The following PATE3 variants were observed in gnomAD, a reference collection of about 807,000 sequenced individuals.
The protein encoded by PATE3 is prostate and testis expressed protein 3.
Under a neutral mutation model 7.4 loss-of-function variants are expected in PATE3, and 7 were observed. The observed-to-expected ratio is 0.95, with a 90% CI of 0.54 to 1.78. The LOEUF (loss-of-function observed/expected upper bound fraction) is 1.78, where lower values mean the gene tolerates loss of function less well. Ranked by LOEUF, PATE3 falls within the 40% of genes most tolerant of loss-of-function variation. PATE3 has a pLI of 0.00. For synonymous variants in PATE3, 38 were observed against 40.2 expected (o/e 0.94, Z 0.21); for missense variants, 117 against 122.5 (o/e 0.96, Z 0.21).
chr11:125,789,740 A>G (rs1943593942), intron 2 of PATE3, among the ~76,000 whole-genome samples: 1 of 152,138 alleles, frequency 6.6e-6, no homozygotes, highest in Non-Finnish European at 1.5e-5. Flanking sequence ...TTTTTTGATA[A>G]TCGACACATA....
Position 125,789,443 on chromosome 11 carries a change from G to C in PATE3, c.107G>C (p.Arg36Thr). 6.4e-7 allele frequency: 1 copy of C among 1,551,680 alleles called. No homozygotes were observed. The highest frequency in any genetic ancestry group is 8.7e-7 in the Non-Finnish European group (1 of 1,146,956). ...CTTCGCACACGGACAGACCGCTGTAGAAGAGGCTTTGGTGTCTGTACTGCT... is the reference window on the plus strand; with the variant it reads ...CTTCGCACACGGACAGACCGCTGTACAAGAGGCTTTGGTGTCTGTACTGCT... Reference protein sequence around the residue: ...CHLRTRTDRCRRGFGVCTAQK... With the variant: ...CHLRTRTDRCTRGFGVCTAQK... The change falls in exon 2 of 3, where the codon AGA becomes ACA. Residue 36 changes from arginine to threonine, a missense_variant. Coordinates refer to ENST00000445202, the MANE Select transcript of PATE3 (RefSeq NM_001129883.4).
In PATE3 at chr11:125,790,838, T is replaced by G. The variant is rs985872829; in HGVS notation, c.*236T>G. On this transcript the variant is annotated 3_prime_UTR_variant, in exon 3 of 3. Transcript: ENST00000445202. ...TCTTCTATTATTGGGATTATTGGCATGGCCATATTCCAAGAAACCTGCCCC... is the reference window on the plus strand; with the variant it reads ...TCTTCTATTATTGGGATTATTGGCAGGGCCATATTCCAAGAAACCTGCCCC... 11 of 385,218 alleles carry G rather than the reference T, an allele frequency of 2.9e-5. No individual in the cohort carries two copies. The South Asian group carries it at 7.1e-4, about 25-fold the overall frequency. 23.9% of individuals were successfully genotyped at this position (385,218 alleles called of 1,614,324 possible).
rs564211472 is a variant in PATE3, at chr11:125,791,528, T to C, written c.*926T>C. 1 of 152,270 alleles carries C rather than the reference T, an allele frequency of 6.6e-6. No homozygotes were observed. The highest frequency in any genetic ancestry group is 1.5e-5 in the Non-Finnish European group (1 of 68,090). The allele number at this position is 152,270 out of a possible 1,614,324, so 9.4% of individuals were successfully genotyped here. A position where few individuals can be genotyped will look rare whatever the true frequency, so the allele number is the denominator to read the frequency against. ...CTACCCTGTACAGCTTTCTTGAGAC[T>C]TGGGGGCCTGGGTCAAAGAGATTTG... On this transcript the variant is annotated 3_prime_UTR_variant, in exon 3 of 3. Coordinates refer to ENST00000445202, the MANE Select transcript of PATE3 (RefSeq NM_001129883.4).
chr11:125,789,131 C>G (rs1943589135), intron 1 of PATE3, among the ~76,000 whole-genome samples: 2 of 152,138 alleles, frequency 1.3e-5, no homozygotes, highest in South Asian at 4.1e-4. Context: ...TGGAGGCTAA[C>G]TTTTTGCTTA....
rs777308515 is a variant in PATE3, at chr11:125,789,469, C to A, written c.133C>A (p.Gln45Lys). 114 of 1,551,540 alleles carry A rather than the reference C, an allele frequency of 7.3e-5. No individual in the cohort carries two copies. The highest frequency in any genetic ancestry group is 9.6e-6 in the Non-Finnish European group (11 of 1,146,972). The change falls in exon 2 of 3, where the codon CAG becomes AAG. Residue 45 changes from glutamine (Q) to lysine (K), a missense_variant. Physicochemically the swap from Gln to Lys is moderately conservative, Grantham distance 53. Transcript: ENST00000445202. Reference protein sequence around the residue: ...CRRGFGVCTAQKGEACMLLRI... With the variant: ...CRRGFGVCTAKKGEACMLLRI... ...AAGAGGCTTTGGTGTCTGTACTGCT[C>A]AGAAGGGCGAGGCATGCATGCTCTT...
rs1943592489 is a variant in PATE3 at position 125,789,512 on chromosome 11, A to G, written c.172+4A>G. ...ATGCTCTTAAGGATTTACCAGCGTA[A>G]GTTAGAGGGTCAGGGAAGGTGTTGT... On this transcript the variant is annotated splice_donor_region_variant and intron_variant, in intron 2 of 2. Transcript: ENST00000445202. 1.9e-6 allele frequency: 3 copies of G among 1,550,264 alleles called. No homozygotes were observed. Among genetic ancestry groups the G allele is most frequent in the Non-Finnish European group, 2.6e-6 (3 of 1,145,868 alleles).
chr11:125,788,695 G>T (rs1456502620), intron 1 of PATE3, among the ~76,000 whole-genome samples: 2 of 152,118 alleles, frequency 1.3e-5, no homozygotes, highest in African/African-American at 4.8e-5. Flanking sequence ...TGTAGTCACG[G>T]TCTCAAAATC....
intron 2 of PATE3, 108 bp downstream of exon 2, chr11:125,789,616 C>A: frequency 7.7e-7 from 1 of 1,304,284 alleles, no homozygotes; most frequent in Non-Finnish European, 1.0e-6. Flanking sequence ...TGCCCCTGAG[C>A]ACAGGTGGTA....
Position 125,788,300 on chromosome 11 carries a change from C to T in PATE3, c.49+100C>T, listed in dbSNP as rs1243933711. The T allele has an allele frequency of 1.2e-5, 14 of 1,135,712 alleles. No homozygotes were observed. In the Admixed American group the frequency reaches 1.6e-4, roughly 13 times the overall value. 70.4% of individuals were successfully genotyped at this position (1,135,712 alleles called of 1,614,324 possible). A position where few individuals can be genotyped will look rare whatever the true frequency, so the allele number is the denominator to read the frequency against. ...GCATCCATGCAGGGCTGAGCTTTGG[C>T]CACTTTTATGAGCCAGGGGAAGCCA... is the stretch of plus-strand genomic sequence containing the variant. On this transcript the variant is annotated intron_variant, in intron 1 of 2. Transcript: ENST00000445202.
intron 2 of PATE3, 93 bp downstream of exon 2, chr11:125,789,601 C>A: frequency 2.9e-6 from 4 of 1,402,566 alleles, no homozygotes; most frequent in Non-Finnish European, 3.8e-6. Context: ...AGAACCAATG[C>A]AGAATGCCCC....
At chr11:125,788,338 C>T (rs1943581753) in intron 1 of PATE3, 138 bp downstream of exon 1, 2 of 693,590 alleles carry the variant, frequency 2.9e-6, no homozygotes, top group African/African-American at 1.8e-5. Context: ...CTCCAGAATG[C>T]TCCTCTGCCT....
At chr11:125,790,388 A>C (rs1185252112) in intron 2 of PATE3, 90 bp from the exon 3 acceptor site, 3 of 1,335,120 alleles carry the variant, frequency 2.2e-6, no homozygotes, top group African/African-American at 1.5e-5. Flanking sequence ...ACCCTAATTA[A>C]ATTTTCACCA....
Position 125,790,626 on chromosome 11 carries a change from G to A in PATE3, c.*24G>A, listed in dbSNP as rs774593240. On this transcript the variant is annotated 3_prime_UTR_variant, in exon 3 of 3. Coordinates refer to ENST00000445202, the MANE Select transcript of PATE3 (RefSeq NM_001129883.4). ...AAGATATTTGCCCTCCTGAGGTCTCGCTTTGGAATGTCCCCAATGTTGCTC... is the reference window on the plus strand; with the variant it reads ...AAGATATTTGCCCTCCTGAGGTCTCACTTTGGAATGTCCCCAATGTTGCTC... 1.2e-5 allele frequency: 18 copies of A among 1,545,110 alleles called. No individual in the cohort carries two copies. Among genetic ancestry groups the A allele is most frequent in the African/African-American group, 5.5e-5 (4 of 72,926 alleles).
intron 1 of PATE3, 140 bp from the exon 2 acceptor site, chr11:125,789,246 C>A: frequency 1.3e-6 from 1 of 769,030 alleles, no homozygotes; most frequent in Non-Finnish European, 2.0e-6. Context: ...CAACTGTTTA[C>A]CGCCTAAATA....
intron 1 of PATE3, among the ~76,000 whole-genome samples, chr11:125,788,762 C>G (rs1943586130): frequency 6.6e-6 from 1 of 152,136 alleles, no homozygotes; most frequent in Non-Finnish European, 1.5e-5. Context: ...GCTTACAAGG[C>G]TTTTGCGAGG....
chr11:125,789,467 C>T lies in PATE3; in HGVS notation c.131C>T (p.Ala44Val). The T allele has an allele frequency of 1.9e-6, 3 of 1,551,698 alleles. No individual in the cohort carries two copies. The highest frequency in any genetic ancestry group is 2.6e-6 in the Non-Finnish European group (3 of 1,146,970). Reference protein sequence around the residue: ...RCRRGFGVCTAQKGEACMLLR... With the variant: ...RCRRGFGVCTVQKGEACMLLR... ...AGAAGAGGCTTTGGTGTCTGTACTGCTCAGAAGGGCGAGGCATGCATGCTC... is the reference window on the plus strand; with the variant it reads ...AGAAGAGGCTTTGGTGTCTGTACTGTTCAGAAGGGCGAGGCATGCATGCTC... The change falls in exon 2 of 3, where the codon GCT becomes GTT. Residue 44 changes from alanine (A) to valine (V), a missense_variant. Coordinates refer to ENST00000445202, the MANE Select transcript of PATE3 (RefSeq NM_001129883.4).
At chr11:125,788,869 T>A (rs190414421) in intron 1 of PATE3, among the ~76,000 whole-genome samples, 64 of 152,282 alleles carry the variant, frequency 4.2e-4, no homozygotes, top group African/African-American at 8.9e-4. Context: ...GAAATTTTTT[T>A]AAATTAAACC....
chr11:125,790,603 G>T lies in PATE3; in HGVS notation c.*1G>T, dbSNP rs1193669262. 2 of 1,550,850 alleles carry T rather than the reference G, an allele frequency of 1.3e-6. No individual in the cohort carries two copies. Among genetic ancestry groups the T allele is most frequent in the Non-Finnish European group, 1.7e-6 (2 of 1,146,638 alleles). Reference sequence around the variant, plus strand: ...CAATTACTGTAACTTTAAACTCTAAGATATTTGCCCTCCTGAGGTCTCGCT... The same window carrying T: ...CAATTACTGTAACTTTAAACTCTAATATATTTGCCCTCCTGAGGTCTCGCT... On this transcript the variant is annotated 3_prime_UTR_variant, in exon 3 of 3. Coordinates refer to ENST00000445202, the MANE Select transcript of PATE3 (RefSeq NM_001129883.4).
In PATE3 at chr11:125,789,435, C is replaced by T. The variant is rs939176218; in HGVS notation, c.99C>T (p.Asp33=). The change falls in exon 2 of 3, where the codon GAC becomes GAT. Residue 33 remains aspartate (D), a synonymous_variant. Coordinates refer to ENST00000445202, the MANE Select transcript of PATE3 (RefSeq NM_001129883.4). ...CITCHLRTRT[D]RCRRGFGVCT... ...CATGCCACCTTCGCACACGGACAGACCGCTGTAGAAGAGGCTTTGGTGTCT... is the reference window on the plus strand; with the variant it reads ...CATGCCACCTTCGCACACGGACAGATCGCTGTAGAAGAGGCTTTGGTGTCT... 23 of 1,551,558 alleles carry T rather than the reference C, an allele frequency of 1.5e-5. No homozygotes were observed. The highest frequency in any genetic ancestry group is 2.0e-5 in the Non-Finnish European group (23 of 1,146,940).
Sources: allele counts gnomAD v4.1 joint callset (sites outside exome capture counted in the v4.1 genomes callset), GRCh38; gene constraint gnomAD v4.1.1; transcripts MANE v1.5; gene names NCBI Gene and HGNC (gene_info 2026-07-23, HGNC 2026-07-21).